PDE8A: variants seen among roughly 807,000 people sequenced by gnomAD.
PDE8A encodes the protein phosphodiesterase 8A.
PDE8A carries 59 observed loss-of-function variants against 105.0 expected under a neutral mutation model. The observed-to-expected ratio is 0.56, with a 90% CI of 0.46 to 0.70. The LOEUF (loss-of-function observed/expected upper bound fraction) is 0.70. Ranked by LOEUF, PDE8A falls within the 30% of genes least tolerant of loss-of-function variation. The pLI, the probability that PDE8A is intolerant of heterozygous loss-of-function variation, is 0.00. For missense variants in PDE8A, 1,014 were observed against 1,045.9 expected, an observed-to-expected ratio of 0.97 and a Z score of 0.42; for synonymous variants, 355 against 371.9, an observed-to-expected ratio of 0.95 and a Z score of 0.52.
At chr15:85,051,010 C>T in intron 1 of PDE8A, among the ~76,000 whole-genome samples, 1 of 152,208 alleles carries the variant, frequency 6.6e-6, no homozygotes, top group Admixed American at 6.5e-5. Context: ...TTCACTTGTA[C>T]AAATCTTTCA....
chr15:85,082,054 C>T (rs867208368), intron 5 of PDE8A, among the ~76,000 whole-genome samples: 18 of 152,130 alleles, frequency 1.2e-4, no homozygotes, highest in African/African-American at 4.1e-4. Context: ...CCTGGAGTGG[C>T]ACAAGCACTA....
intron 1 of PDE8A, among the ~76,000 whole-genome samples, chr15:85,007,047 A>G (rs112992219): frequency 3.4e-4 from 52 of 152,292 alleles, no homozygotes; most frequent in African/African-American, 1.2e-3. Flanking sequence ...TCTTCTGTAC[A>G]TGGGTGAAAG....
chr15:85,109,004 A>G (rs1391990477), intron 11 of PDE8A, 49 bp from the exon 12 acceptor site: 7 of 1,293,950 alleles, frequency 5.4e-6, no homozygotes, highest in Non-Finnish European at 6.6e-6. Context: ...CTTCCTTAAT[A>G]TGTTGTTTAA....
At chr15:84,988,392 G>T (rs1240876992) in intron 1 of PDE8A, among the ~76,000 whole-genome samples, 1 of 152,202 alleles carries the variant, frequency 6.6e-6, no homozygotes, top group Non-Finnish European at 1.5e-5. Flanking sequence ...GTGGAAGTTG[G>T]TTACAGCTCT....
chr15:85,066,768 G>C (rs991171037), intron 2 of PDE8A, among the ~76,000 whole-genome samples: 1 of 151,878 alleles, frequency 6.6e-6, no homozygotes, highest in South Asian at 2.1e-4. Context: ...GCAAAACCCC[G>C]TCTCTACTAA....
At chr15:85,117,388 C>T (rs1245187456) in intron 16 of PDE8A, among the ~76,000 whole-genome samples, 1 of 152,148 alleles carries the variant, frequency 6.6e-6, no homozygotes, top group Admixed American at 6.5e-5. Flanking sequence ...CCCAACAAAT[C>T]GGGAGCCCCA....
chr15:85,122,572 G>T (rs1036116343), intron 18 of PDE8A, among the ~76,000 whole-genome samples: 1 of 152,174 alleles, frequency 6.6e-6, no homozygotes, highest in African/African-American at 2.4e-5. Context: ...TAGAGACTTT[G>T]TTTCATATTC....
intron 2 of PDE8A, among the ~76,000 whole-genome samples, chr15:85,065,656 A>T (rs879528756): frequency 6.6e-6 from 1 of 152,204 alleles, no homozygotes; most frequent in Admixed American, 6.5e-5. Context: ...GTAAACTCGG[A>T]AGAAATAAGC....
intron 3 of PDE8A, among the ~76,000 whole-genome samples, chr15:85,068,377 G>A (rs1241098711): frequency 6.6e-6 from 1 of 152,098 alleles, no homozygotes; most frequent in South Asian, 2.1e-4. Context: ...CATTTGGCCA[G>A]TCACCCAGCA....
At chr15:85,052,775 C>G (rs1442321263) in intron 1 of PDE8A, among the ~76,000 whole-genome samples, 3 of 152,144 alleles carry the variant, frequency 2.0e-5, no homozygotes, top group East Asian at 3.9e-4. Flanking sequence ...TTGTAGGTTG[C>G]CTGTTCACTC....
At position 85,119,468 on chromosome 15, in the gene PDE8A, C is replaced by CA. The variant is rs546194907; in HGVS notation, c.1735-1316dup. ...GGGTGACAGAGCAAGACTCTCGTCTCAAAAAAAAAAAAACATTTATTGAAA... is the reference window on the plus strand; with the variant it reads ...GGGTGACAGAGCAAGACTCTCGTCTCAAAAAAAAAAAAAACATTTATTGAAA... On this transcript the variant is annotated intron_variant, in intron 17 of 21. Transcript: ENST00000394553. 2.3e-3 allele frequency among the ~76,000 whole-genome samples: 136 copies of CA among 58,516 alleles called. 16 individuals are homozygous for CA. The highest frequency in any genetic ancestry group is 0.01 in the South Asian group (13 of 1,242). 38.4% of individuals were successfully genotyped at this position (58,516 alleles called of 152,430 possible).
At chr15:84,999,551 TTTG>T (rs3077007) in intron 1 of PDE8A, among the ~76,000 whole-genome samples, 19 of 150,828 alleles carry the variant, frequency 1.3e-4, no homozygotes, top group African/African-American at 2.2e-4. Flanking sequence ...GCCTCCCTTT[TTTG>T]TTGTTGTTGT....
At chr15:85,037,198 T>TG (rs1398224336) in intron 1 of PDE8A, among the ~76,000 whole-genome samples, 1 of 152,034 alleles carries the variant, frequency 6.6e-6, no homozygotes, top group Non-Finnish European at 1.5e-5. Flanking sequence ...CCCAAGTAGC[T>TG]GGGATTACAG....
intron 9 of PDE8A, among the ~76,000 whole-genome samples, chr15:85,098,299 T>C (rs1305776565): frequency 6.6e-6 from 1 of 152,238 alleles, no homozygotes; most frequent in African/African-American, 2.4e-5. Flanking sequence ...TTTGTTTAAG[T>C]CAGAATGTCA....
At chr15:85,068,607 A>G (rs1176235377) in intron 3 of PDE8A, among the ~76,000 whole-genome samples, 2 of 152,094 alleles carry the variant, frequency 1.3e-5, no homozygotes, top group African/African-American at 4.8e-5. Context: ...GGAAGGGAAG[A>G]TGATATCTAA....
intron 1 of PDE8A, among the ~76,000 whole-genome samples, chr15:84,984,795 A>G (rs1596405333): frequency 6.6e-6 from 1 of 152,166 alleles, no homozygotes; most frequent in South Asian, 2.1e-4. Context: ...AAAATGAGAA[A>G]TGTTCCAAAG....
At chr15:84,981,270 C>G (rs532585030), upstream of PDE8A, among the ~76,000 whole-genome samples, 1 of 152,284 alleles carries the variant, frequency 6.6e-6, no homozygotes, top group East Asian at 1.9e-4. Flanking sequence ...TTGCGGGCGG[C>G]GTCCGGAGGA....
rs184625122 is a variant in PDE8A, at chr15:85,048,310, A to G, written c.187-16060A>G. Among the ~76,000 whole-genome samples, 55 of 152,136 alleles carry G rather than the reference A, an allele frequency of 3.6e-4. No individual in the cohort carries two copies. In the East Asian group the frequency reaches 0.01, roughly 28 times the overall value. ...TTTTTTTCTGGTAACCTAGTATATC[A>G]TGTTTTTCTAATATTTATAAATATT... On this transcript the variant is annotated intron_variant, in intron 1 of 21. Transcript: ENST00000394553.
At chr15:85,074,222 C>G (rs985101278) in intron 3 of PDE8A, among the ~76,000 whole-genome samples, 1 of 152,188 alleles carries the variant, frequency 6.6e-6, no homozygotes, top group African/African-American at 2.4e-5. Flanking sequence ...GAAAATGAAG[C>G]CCGAATCCCT....
Sources: allele counts gnomAD v4.1 joint callset (sites outside exome capture counted in the v4.1 genomes callset), GRCh38; gene constraint gnomAD v4.1.1; transcripts MANE v1.5; gene names NCBI Gene and HGNC (gene_info 2026-07-23, HGNC 2026-07-21).